The following PDE4B variants were observed in gnomAD, a reference collection of about 807,000 sequenced individuals.
PDE4B encodes phosphodiesterase 4B.
Under a neutral mutation model 82.2 loss-of-function variants are expected in PDE4B, and 20 were observed. The observed-to-expected ratio is 0.24, with a 90% CI of 0.17 to 0.35. The LOEUF (loss-of-function observed/expected upper bound fraction) is 0.35. Among genes scored for constraint, PDE4B ranks in the 10% least tolerant of loss-of-function variants. PDE4B has a pLI of 1.00. For synonymous variants in PDE4B, 320 were observed against 318.9 expected (o/e 1.00, Z -0.04); for missense variants, 655 against 907.2 (o/e 0.72, Z 3.57).
At chr1:66,310,456 T>C (rs1257206019) in intron 7 of PDE4B, among the ~76,000 whole-genome samples, 1 of 152,222 alleles carries the variant, frequency 6.6e-6, no homozygotes, top group African/African-American at 2.4e-5. Flanking sequence ...TTATTCTCCA[T>C]GGAATCCCTT....
intron 3 of PDE4B, among the ~76,000 whole-genome samples, chr1:66,174,500 G>C (rs907566069): frequency 9.2e-5 from 14 of 152,126 alleles, no homozygotes; most frequent in Non-Finnish European, 1.9e-4. Flanking sequence ...GCTCATACCT[G>C]TAATCCCAGC....
intron 3 of PDE4B, among the ~76,000 whole-genome samples, chr1:66,150,794 G>A (rs1430542340): frequency 6.6e-6 from 1 of 152,136 alleles, no homozygotes; most frequent in Admixed American, 6.6e-5. Flanking sequence ...AAATAATCAT[G>A]TGGCTTTTAT....
chr1:66,209,006 A>G (rs1227116639), intron 3 of PDE4B, among the ~76,000 whole-genome samples: 1 of 152,220 alleles, frequency 6.6e-6, no homozygotes, highest in East Asian at 1.9e-4. Flanking sequence ...AATACTGTAC[A>G]GCTTCAGACT....
chr1:65,968,612 A>G (rs559934953), intron 3 of PDE4B, among the ~76,000 whole-genome samples: 1 of 152,294 alleles, frequency 6.6e-6, no homozygotes, highest in South Asian at 2.1e-4. Flanking sequence ...AGAGAAATTT[A>G]GAAAGATTAA....
At chr1:66,228,626 TAA>T (rs77946467) in intron 3 of PDE4B, among the ~76,000 whole-genome samples, 17,192 of 134,884 alleles carry the variant, frequency 0.13, 2,040 homozygotes, top group East Asian at 0.36. Context: ...AAGACTCCGT[TAA>T]AAAAAAAAAA....
chr1:66,016,677 G>A (rs1652798652), intron 3 of PDE4B, among the ~76,000 whole-genome samples: 1 of 152,122 alleles, frequency 6.6e-6, no homozygotes, highest in Admixed American at 6.6e-5. Context: ...ATATATGAGA[G>A]ATAAGAAATG....
intron 7 of PDE4B, among the ~76,000 whole-genome samples, chr1:66,311,743 A>C (rs1222608692): frequency 6.6e-6 from 1 of 152,144 alleles, no homozygotes; most frequent in Non-Finnish European, 1.5e-5. Context: ...TCATTTTCTC[A>C]TTTCCCTCAT....
chr1:66,293,640 T>A (rs1657273627), intron 7 of PDE4B, among the ~76,000 whole-genome samples: 1 of 152,194 alleles, frequency 6.6e-6, no homozygotes, highest in African/African-American at 2.4e-5. Flanking sequence ...ATTCCCAAGT[T>A]AGTTACATAG....
chr1:66,120,304 C>T (rs1645683687), intron 3 of PDE4B, among the ~76,000 whole-genome samples: 1 of 151,770 alleles, frequency 6.6e-6, no homozygotes, highest in African/African-American at 2.4e-5. Flanking sequence ...GACCTAGACC[C>T]TTGGTTTGGA....
chr1:66,276,515 C>T (rs1655889777), intron 7 of PDE4B, among the ~76,000 whole-genome samples: 1 of 152,210 alleles, frequency 6.6e-6, no homozygotes, highest in African/African-American at 2.4e-5. Flanking sequence ...GGACTACCAA[C>T]AACCTTAATA....
chr1:66,258,035 C>T (rs1460810883), intron 6 of PDE4B, among the ~76,000 whole-genome samples, 172 bp downstream of exon 6: 1 of 152,136 alleles, frequency 6.6e-6, no homozygotes, highest in Non-Finnish European at 1.5e-5. Context: ...AGAACTCATA[C>T]AACACTATAA....
intron 1 of PDE4B, among the ~76,000 whole-genome samples, chr1:65,883,663 A>G (rs1185726180): frequency 6.6e-6 from 1 of 152,058 alleles, no homozygotes; most frequent in African/African-American, 2.4e-5. Context: ...TCTCCTGCCT[A>G]ATTGCCCTGG....
At chr1:66,180,596 T>A (rs1033279491) in intron 3 of PDE4B, among the ~76,000 whole-genome samples, 9 of 151,966 alleles carry the variant, frequency 5.9e-5, no homozygotes, top group South Asian at 2.1e-4. Flanking sequence ...AAAGAGAAAA[T>A]TAATTCAAAA....
At chr1:66,104,288 A>G (rs1476338126) in intron 3 of PDE4B, among the ~76,000 whole-genome samples, 2 of 151,738 alleles carry the variant, frequency 1.3e-5, no homozygotes, top group Non-Finnish European at 2.9e-5. Context: ...TTATGGCTGC[A>G]TAGTATTCCA....
At chr1:66,058,634 A>G (rs1163358669) in intron 3 of PDE4B, among the ~76,000 whole-genome samples, 1 of 152,202 alleles carries the variant, frequency 6.6e-6, no homozygotes, top group African/African-American at 2.4e-5. Flanking sequence ...GGAAGCTACC[A>G]AGGCTTAGGA....
chr1:66,041,668 G>A (rs146045665), intron 3 of PDE4B, among the ~76,000 whole-genome samples: 13 of 151,920 alleles, frequency 8.6e-5, no homozygotes, highest in African/African-American at 1.2e-4. Context: ...TCTCTGCTAC[G>A]TGCTCCAGTT....
intron 3 of PDE4B, among the ~76,000 whole-genome samples, chr1:66,075,100 C>T (rs146270814): frequency 2.5e-4 from 38 of 152,110 alleles, no homozygotes; most frequent in African/African-American, 9.1e-4. Context: ...GAGGGCTACT[C>T]CACAGGCACT....
chr1:66,076,113 G>C lies in PDE4B; in HGVS notation c.281+157278G>C, dbSNP rs116564035. 8.2e-3 allele frequency among the ~76,000 whole-genome samples: 1,243 copies of C among 151,960 alleles called. 18 individuals carry two copies. Among genetic ancestry groups the C allele is most frequent in the African/African-American group, 0.029 (1,189 of 41,452 alleles). On this transcript the variant is annotated intron_variant, in intron 3 of 16. Transcript: ENST00000341517. ...ATACTGCGTGACACTGAGGTTTGGA[G>C]TATGAATGAATCCATCTCCCAAGTA...
At chr1:65,961,956 A>T (rs79135570) in intron 3 of PDE4B, among the ~76,000 whole-genome samples, 4,673 of 152,274 alleles carry the variant, frequency 0.031, 236 homozygotes, top group African/African-American at 0.11. Context: ...TTTAACACAG[A>T]TGCTTCTCCA....
Sources: allele counts gnomAD v4.1 joint callset (sites outside exome capture counted in the v4.1 genomes callset), GRCh38; gene constraint gnomAD v4.1.1; transcripts MANE v1.5; gene names NCBI Gene and HGNC (gene_info 2026-07-23, HGNC 2026-07-21).